The following MMP20 variants were observed in gnomAD, a reference collection of about 807,000 sequenced individuals.
MMP20 encodes the protein matrix metallopeptidase 20, also known as matrix metalloproteinase-20.
A neutral mutation model predicts 51.8 loss-of-function variants in MMP20; 50 were observed. The ratio of observed to expected loss-of-function variants is 0.97; its 90% CI spans 0.77 to 1.22. MMP20 has a LOEUF of 1.22. Among genes scored for constraint, MMP20 ranks in the 50% most tolerant of loss-of-function variants. MMP20 has a pLI of 0.00. For missense variants in MMP20, 663 were observed against 601.4 expected, an observed-to-expected ratio of 1.10 and a Z score of -1.07; for synonymous variants, 244 against 216.2, an observed-to-expected ratio of 1.13 and a Z score of -1.13.
chr11:102,606,436 T>A lies in MMP20; in HGVS notation c.953+99A>T, dbSNP rs991166943. 5 of 1,490,662 alleles carry A rather than the reference T, an allele frequency of 3.4e-6. 1 individual carries two copies. In the East Asian group the frequency reaches 7.0e-5, roughly 21 times the overall value. The allele number at this position is 1,490,662 out of a possible 1,614,324, so 92.3% of individuals were successfully genotyped here. A position where few individuals can be genotyped will look rare whatever the true frequency, so the allele number is the denominator to read the frequency against. The stretch of plus-strand genomic sequence containing the variant: ...TGCTGCATAGGACAGCATTTCTGCA[T>A]GATCTTCATACAAGGCAGCAACAAG... On this transcript the variant is annotated intron_variant, in intron 6 of 9. Coordinates refer to ENST00000260228, the MANE Select transcript of MMP20 (RefSeq NM_004771.4).
chr11:102,604,112 C>A (rs554434774), intron 6 of MMP20, among the ~76,000 whole-genome samples: 20 of 151,870 alleles, frequency 1.3e-4, no homozygotes, highest in Non-Finnish European at 2.8e-4. Flanking sequence ...ACCCCCACTG[C>A]AACCTCTGAT....
chr11:102,586,813 C>T (rs1591609721), intron 8 of MMP20, among the ~76,000 whole-genome samples: 1 of 150,730 alleles, frequency 6.6e-6, no homozygotes, highest in Non-Finnish European at 1.5e-5. Flanking sequence ...CAAGACTCCG[C>T]CTCAAAAAAA....
In MMP20 at chr11:102,622,196, T is replaced by C. The variant is rs374696089; in HGVS notation, c.126+2998A>G. Among the ~76,000 whole-genome samples the C allele has an allele frequency of 1.1e-4, 16 of 151,872 alleles. No individual in the cohort carries two copies. In the East Asian group the frequency reaches 3.1e-3, roughly 29 times the overall value. On this transcript the variant is annotated intron_variant, in intron 1 of 9. Coordinates refer to ENST00000260228, the MANE Select transcript of MMP20 (RefSeq NM_004771.4). Reference sequence around the variant, plus strand: ...GTAGATTTTTTAGGGGAGGGAGAGGTGTATGGTGTTTGGAAACGTGGCCTC... The same window carrying C: ...GTAGATTTTTTAGGGGAGGGAGAGGCGTATGGTGTTTGGAAACGTGGCCTC...
intron 2 of MMP20, among the ~76,000 whole-genome samples, chr11:102,614,866 A>G (rs1033593330): frequency 2.6e-5 from 4 of 152,026 alleles, no homozygotes; most frequent in African/African-American, 9.7e-5. Flanking sequence ...TATTCTCACT[A>G]TGGCTAATTC....
chr11:102,587,977 A>G (rs546838819), intron 8 of MMP20, among the ~76,000 whole-genome samples: 1 of 151,994 alleles, frequency 6.6e-6, no homozygotes, highest in South Asian at 2.1e-4. Context: ...TATGCTTGCC[A>G]TTTTACTTTT....
intron 8 of MMP20, among the ~76,000 whole-genome samples, chr11:102,591,009 A>C (rs950929051): frequency 6.6e-6 from 1 of 152,232 alleles, no homozygotes; most frequent in Non-Finnish European, 1.5e-5. Context: ...TGAGAAAAAC[A>C]AACCCTCATG....
At chr11:102,594,903 C>A in intron 6 of MMP20, 146 bp from the exon 7 acceptor site, 4 of 896,550 alleles carry the variant, frequency 4.5e-6, no homozygotes, top group Admixed American at 3.5e-5. Context: ...TTTTTTTTCT[C>A]TTTTCTTTTT....
intron 5 of MMP20, 41 bp from the exon 6 acceptor site, chr11:102,606,717 T>C (rs762804684): frequency 5.0e-6 from 8 of 1,611,792 alleles, no homozygotes; most frequent in South Asian, 1.1e-5. Context: ...TAACGGGAAT[T>C]TGGAGTTCAC....
chr11:102,619,579 AT>A (rs1362724207), intron 1 of MMP20, among the ~76,000 whole-genome samples: 96 of 152,288 alleles, frequency 6.3e-4, no homozygotes, highest in Middle Eastern at 3.4e-3. Context: ...AAAAAACAAA[AT>A]AAATGCCAAA....
intron 1 of MMP20, among the ~76,000 whole-genome samples, chr11:102,619,775 AC>A (rs1859724377): frequency 6.7e-6 from 1 of 150,188 alleles, no homozygotes; most frequent in Admixed American, 6.6e-5. Context: ...TAGGGCTTTT[AC>A]TTTTTTTTTT....
At chr11:102,611,613 GC>G in intron 3 of MMP20, 141 bp downstream of exon 3, 2 of 972,922 alleles carry the variant, frequency 2.1e-6, no homozygotes, top group Middle Eastern at 3.2e-4. Flanking sequence ...GAAGATCATG[GC>G]TTTGCCATGG....
chr11:102,593,295 A>T, intron 8 of MMP20, 144 bp downstream of exon 8: 1 of 699,160 alleles, frequency 1.4e-6, no homozygotes, highest in East Asian at 2.7e-5. Context: ...ACAGTCAACC[A>T]TCTGTAAATC....
At position 102,593,548 on chromosome 11, in the gene MMP20, G is replaced by C. The variant is rs184655088; in HGVS notation, c.1138C>G (p.Arg380Gly). 4 of 1,614,102 alleles carry C rather than the reference G, an allele frequency of 2.5e-6. No individual in the cohort carries two copies. Among genetic ancestry groups the C allele is most frequent in the Non-Finnish European group, 3.4e-6 (4 of 1,179,988 alleles). Residue 380 changes from arginine (R) to glycine (G), a missense_variant, in exon 8 of 10, where the codon CGG becomes GGG. Coordinates refer to ENST00000260228, the MANE Select transcript of MMP20 (RefSeq NM_004771.4). ...GGAAATCCAAAGTCATAAATAGTCC[G>C]AGGAGGACCTTGCATTTGGAATCCT... is the stretch of plus-strand genomic sequence containing the variant. ...TRGFQMQGPP[R>G]TIYDFGFPRH...
chr11:102,581,012 G>A (rs968901534), intron 8 of MMP20, among the ~76,000 whole-genome samples: 13 of 152,180 alleles, frequency 8.5e-5, no homozygotes, highest in African/African-American at 1.7e-4. Flanking sequence ...GAGCTCAACA[G>A]ATACAGTCTG....
chr11:102,619,397 G>A (rs1859718352), intron 1 of MMP20, among the ~76,000 whole-genome samples: 1 of 152,002 alleles, frequency 6.6e-6, no homozygotes, highest in African/African-American at 2.4e-5. Context: ...AAATTAAGTG[G>A]AAAACATGTT....
At chr11:102,599,465 C>T (rs558743175) in intron 6 of MMP20, among the ~76,000 whole-genome samples, 1 of 152,192 alleles carries the variant, frequency 6.6e-6, no homozygotes, top group Non-Finnish European at 1.5e-5. Context: ...TTCTGAGACT[C>T]AATTTCCTAC....
intron 8 of MMP20, among the ~76,000 whole-genome samples, chr11:102,585,507 T>C (rs959546403): frequency 3.1e-4 from 47 of 152,166 alleles, no homozygotes; most frequent in African/African-American, 1.1e-3. Flanking sequence ...TTTTAGAGTA[T>C]TCTCTAGGGT....
chr11:102,625,032 C>T (rs1012611519), intron 1 of MMP20, among the ~76,000 whole-genome samples, 162 bp downstream of exon 1: 9 of 152,158 alleles, frequency 5.9e-5, no homozygotes, highest in Non-Finnish European at 1.2e-4. Context: ...ATGCACCAGA[C>T]ACCAATCTAG....
chr11:102,577,381 G>A lies in MMP20; in HGVS notation c.1397C>T (p.Thr466Ile). 1.2e-6 allele frequency: 2 copies of A among 1,613,984 alleles called. No individual in the cohort carries two copies. Among genetic ancestry groups the A allele is most frequent in the Non-Finnish European group, 1.7e-6 (2 of 1,179,922 alleles). Residue 466 changes from threonine to isoleucine, a missense_variant, in exon 10 of 10, where the codon ACA becomes ATA. Thr to Ile is a moderately conservative substitution (Grantham distance 89). Transcript: ENST00000260228. ...FSGPKTYKYD[T>I]EKEDVVSVVK... is the part of the protein sequence containing the mutation. ...CACACTAACCACATCTTCCTTCTCT[G>A]TGTCATACTTGTATGTTTTTGGTCC... is the stretch of plus-strand genomic sequence containing the variant.
Sources: gnomAD v4.1 joint callset for allele counts (sites outside exome capture counted in the v4.1 genomes callset) on GRCh38, gnomAD v4.1.1 for gene constraint, MANE v1.5 for transcripts, NCBI Gene and HGNC (gene_info 2026-07-23, HGNC 2026-07-21) for gene names.